The following PTPRD variants were observed in gnomAD, a reference collection of about 807,000 sequenced individuals.
The protein encoded by PTPRD is protein tyrosine phosphatase receptor type D.
Under a neutral mutation model 214.5 loss-of-function variants are expected in PTPRD, and 34 were observed. That is an observed-to-expected ratio of 0.16 (90% CI 0.12 to 0.21). The LOEUF is 0.21. Among genes scored for constraint, PTPRD ranks in the 10% least tolerant of loss-of-function variants. The pLI, the probability that PTPRD is intolerant of heterozygous loss-of-function variation, is 1.00. For synonymous variants in PTPRD, 1,128 were observed against 845.7 expected (o/e 1.33, Z -5.79); for missense variants, 2,545 against 2,398.7 (o/e 1.06, Z -1.27).
At chr9:10,124,493 T>C (rs759742997) in intron 3 of PTPRD, among the ~76,000 whole-genome samples, 62 of 152,184 alleles carry the variant, frequency 4.1e-4, no homozygotes, top group Non-Finnish European at 7.8e-4. Flanking sequence ...CAAGTGCTTA[T>C]TGTGGATAAA....
At position 10,018,955 on chromosome 9, in the gene PTPRD, C is replaced by T. The variant is rs539086936; in HGVS notation, c.-472+14763G>A. Among the ~76,000 whole-genome samples, 324 of 152,158 alleles carry T rather than the reference C, an allele frequency of 2.1e-3. 1 individual carries two copies. Among genetic ancestry groups the T allele is most frequent in the African/African-American group, 7.5e-3 (311 of 41,524 alleles). ...ATCTAATTAAACTAAAGAGCTTCTG[C>T]GCAGCAAAAGAAACTACCATCAGAG... On this transcript the variant is annotated intron_variant, in intron 4 of 45. Coordinates refer to ENST00000381196, the MANE Select transcript of PTPRD (RefSeq NM_002839.4).
chr9:8,557,101 G>A (rs951363155), intron 14 of PTPRD, among the ~76,000 whole-genome samples: 3 of 152,118 alleles, frequency 2.0e-5, no homozygotes, highest in East Asian at 3.9e-4. Flanking sequence ...CCCATTCAGA[G>A]AGCAGGGCCA....
chr9:10,054,103 T>C (rs1204188717), intron 3 of PTPRD, among the ~76,000 whole-genome samples: 1 of 152,104 alleles, frequency 6.6e-6, no homozygotes, highest in African/African-American at 2.4e-5. Flanking sequence ...TATTAAACTT[T>C]CCAAATATAA....
At chr9:8,781,629 A>C (rs1294710395) in intron 11 of PTPRD, among the ~76,000 whole-genome samples, 1 of 146,600 alleles carries the variant, frequency 6.8e-6, no homozygotes, top group Admixed American at 7.0e-5. Context: ...CACTATGCTA[A>C]TATTTTGCAA....
At chr9:9,902,263 T>C (rs1305511019) in intron 5 of PTPRD, among the ~76,000 whole-genome samples, 1 of 152,220 alleles carries the variant, frequency 6.6e-6, no homozygotes, top group Non-Finnish European at 1.5e-5. Context: ...TTTACAGTTA[T>C]CTCACTGTGT....
At chr9:10,599,071 G>A (rs558319173) in intron 2 of PTPRD, among the ~76,000 whole-genome samples, 1 of 151,742 alleles carries the variant, frequency 6.6e-6, no homozygotes, top group South Asian at 2.1e-4. Flanking sequence ...CAATGGCACT[G>A]ACATGGAAAT....
chr9:10,119,767 C>G (rs771257332), intron 3 of PTPRD, among the ~76,000 whole-genome samples: 1 of 151,936 alleles, frequency 6.6e-6, no homozygotes, highest in Non-Finnish European at 1.5e-5. Flanking sequence ...ATTTTCCTGT[C>G]TATAAAAGCA....
intron 12 of PTPRD, among the ~76,000 whole-genome samples, chr9:8,677,457 C>T (rs1389416248): frequency 6.6e-6 from 1 of 152,046 alleles, no homozygotes; most frequent in Non-Finnish European, 1.5e-5. Flanking sequence ...CACTTATAAA[C>T]GGGAGCTAAA....
intron 12 of PTPRD, among the ~76,000 whole-genome samples, chr9:8,672,216 T>C (rs1376732414): frequency 6.6e-6 from 1 of 152,178 alleles, no homozygotes; most frequent in Non-Finnish European, 1.5e-5. Context: ...TTAAATCCAT[T>C]TCTTCGCTGA....
intron 3 of PTPRD, among the ~76,000 whole-genome samples, chr9:10,042,491 C>T (rs1228105785): frequency 1.3e-5 from 2 of 151,864 alleles, no homozygotes; most frequent in South Asian, 2.1e-4. Context: ...GGGTAGAATT[C>T]CACCCTCAGC....
intron 7 of PTPRD, among the ~76,000 whole-genome samples, chr9:9,579,366 G>C (rs1419939644): frequency 2.6e-5 from 4 of 152,102 alleles, no homozygotes; most frequent in Non-Finnish European, 5.9e-5. Context: ...ACTGACTAGA[G>C]AGGTAAACAA....
At chr9:10,297,103 T>TTA (rs372429613) in intron 3 of PTPRD, among the ~76,000 whole-genome samples, 4,397 of 145,000 alleles carry the variant, frequency 0.03, 119 homozygotes, top group African/African-American at 0.078. Flanking sequence ...ATCAGAAATT[T>TTA]TATATATATA....
chr9:10,306,905 A>G (rs117183947), intron 3 of PTPRD, among the ~76,000 whole-genome samples: 2 of 152,146 alleles, frequency 1.3e-5, no homozygotes, highest in Admixed American at 6.6e-5. Flanking sequence ...AAATAATAAA[A>G]CCCTACGGTA....
At chr9:8,629,919 G>A (rs144466994) in intron 14 of PTPRD, among the ~76,000 whole-genome samples, 256 of 151,876 alleles carry the variant, frequency 1.7e-3, no homozygotes, top group African/African-American at 6.0e-3. Context: ...TTGAGAGTAA[G>A]GGTAATTTGA....
intron 8 of PTPRD, chr9:9,414,666 A>G (rs1484846991): frequency 1.3e-5 from 2 of 152,220 alleles, no homozygotes; most frequent in Non-Finnish European, 2.9e-5. Context: ...TACATGGAAG[A>G]AAGTTTTGAC....
At chr9:10,139,704 G>A (rs950749861) in intron 3 of PTPRD, among the ~76,000 whole-genome samples, 8 of 151,972 alleles carry the variant, frequency 5.3e-5, no homozygotes, top group African/African-American at 1.9e-4. Context: ...ACTGGCCAGT[G>A]GAACAGAATA....
At chr9:10,353,800 A>G (rs2097221577) in intron 2 of PTPRD, among the ~76,000 whole-genome samples, 1 of 152,022 alleles carries the variant, frequency 6.6e-6, no homozygotes, top group African/African-American at 2.4e-5. Context: ...GCGTTGGAAT[A>G]ATTTATTAGA....
intron 10 of PTPRD, among the ~76,000 whole-genome samples, chr9:9,116,189 G>A (rs182992454): frequency 7.2e-5 from 11 of 152,104 alleles, no homozygotes; most frequent in African/African-American, 2.7e-4. Context: ...AACTGCTCAT[G>A]TACTCCCTGA....
chr9:10,259,854 C>T (rs1429726342), intron 3 of PTPRD, among the ~76,000 whole-genome samples: 3 of 152,102 alleles, frequency 2.0e-5, no homozygotes, highest in African/African-American at 4.8e-5. Context: ...TACTGTGTGA[C>T]GTCACACTTT....
Sources: gnomAD v4.1 joint callset for allele counts (sites outside exome capture counted in the v4.1 genomes callset) on GRCh38, gnomAD v4.1.1 for gene constraint, MANE v1.5 for transcripts, NCBI Gene and HGNC (gene_info 2026-07-23, HGNC 2026-07-21) for gene names.